Variants in NELL2 observed in about 807,000 individuals in gnomAD.
NELL2 encodes the protein protein kinase C-binding protein NELL2.
A neutral mutation model predicts 109.6 loss-of-function variants in NELL2; 41 were observed. The ratio of observed to expected loss-of-function variants is 0.37; its 90% CI spans 0.29 to 0.49. The LOEUF (loss-of-function observed/expected upper bound fraction) is 0.49. NELL2 is among the 20% of genes least tolerant of loss of function. The pLI is 0.98. For missense variants in NELL2, 900 were observed against 1,008.3 expected, an observed-to-expected ratio of 0.89 and a Z score of 1.45; for synonymous variants, 355 against 344.7, an observed-to-expected ratio of 1.03 and a Z score of -0.33.
chr12:44,873,646 T>C (rs1945227712), intron 2 of NELL2, among the ~76,000 whole-genome samples: 1 of 152,056 alleles, frequency 6.6e-6, no homozygotes, highest in Non-Finnish European at 1.5e-5. Flanking sequence ...CATAAAGCTT[T>C]CCAGTTACTC....
intron 15 of NELL2, among the ~76,000 whole-genome samples, chr12:44,585,819 T>G (rs928813208): frequency 1.3e-5 from 2 of 151,944 alleles, no homozygotes; most frequent in African/African-American, 4.8e-5. Flanking sequence ...GTCTGGCGGC[T>G]GGGGGCAAGA....
rs375260038 is a variant in NELL2 at position 44,550,298 on chromosome 12, A to G, written c.1664-17577T>C. Among the ~76,000 whole-genome samples the G allele has an allele frequency of 4.0e-4, 61 of 152,274 alleles. No individual in the cohort carries two copies. In the South Asian group the frequency reaches 0.011, roughly 28 times the overall value. Reference sequence around the variant, plus strand: ...AATTAAAAATACAATGACTACATATATATCCAAATAACTTGAAATCAGGAT... The same window carrying G: ...AATTAAAAATACAATGACTACATATGTATCCAAATAACTTGAAATCAGGAT... On this transcript the variant is annotated intron_variant, in intron 15 of 19. Coordinates refer to ENST00000429094, the MANE Select transcript of NELL2 (RefSeq NM_001145108.2).
upstream of NELL2, among the ~76,000 whole-genome samples, chr12:44,918,137 T>C (rs1256971381): frequency 6.6e-6 from 1 of 152,204 alleles, no homozygotes; most frequent in African/African-American, 2.4e-5. Context: ...ACAGCTAAAA[T>C]GTATCCAGGT....
At chr12:44,690,399 C>T (rs1017701894) in intron 12 of NELL2, among the ~76,000 whole-genome samples, 1 of 152,098 alleles carries the variant, frequency 6.6e-6, no homozygotes, top group Admixed American at 6.5e-5. Context: ...CAGAAATCAC[C>T]TGGAGATCTT....
chr12:44,603,146 A>G (rs117381425), intron 15 of NELL2, among the ~76,000 whole-genome samples: 3,779 of 152,242 alleles, frequency 0.025, 66 homozygotes, highest in Non-Finnish European at 0.037. Flanking sequence ...ACAACTCACA[A>G]AAATAATTAA....
intron 13 of NELL2, among the ~76,000 whole-genome samples, chr12:44,645,101 AAAG>A (rs1947044582): frequency 6.6e-6 from 1 of 152,160 alleles, no homozygotes. Flanking sequence ...CACGAAGAAA[AAAG>A]AAGACTGAAA....
intron 3 of NELL2, among the ~76,000 whole-genome samples, chr12:44,806,036 A>G (rs1160446922): frequency 2.0e-5 from 3 of 151,826 alleles, no homozygotes; most frequent in African/African-American, 7.2e-5. Flanking sequence ...TTTCTTCACT[A>G]TGTCATTAAC....
intron 16 of NELL2, among the ~76,000 whole-genome samples, chr12:44,523,858 A>C (rs1358324452): frequency 6.6e-6 from 1 of 152,236 alleles, no homozygotes; most frequent in Non-Finnish European, 1.5e-5. Context: ...TAATGGGGAT[A>C]TCATCCCCAG....
chr12:44,738,691 C>T (rs961356108), intron 9 of NELL2, among the ~76,000 whole-genome samples: 2 of 152,010 alleles, frequency 1.3e-5, no homozygotes, highest in African/African-American at 4.8e-5. Context: ...GGATGTTGGT[C>T]AAAGGATACA....
At chr12:44,524,672 A>AT (rs1299484995) in intron 16 of NELL2, among the ~76,000 whole-genome samples, 4 of 151,934 alleles carry the variant, frequency 2.6e-5, no homozygotes, top group African/African-American at 7.3e-5. Flanking sequence ...GCCACAGGAC[A>AT]TTTTTTTTCT....
At chr12:44,863,683 A>G (rs1944907249) in intron 2 of NELL2, among the ~76,000 whole-genome samples, 1 of 152,206 alleles carries the variant, frequency 6.6e-6, no homozygotes, top group Non-Finnish European at 1.5e-5. Flanking sequence ...CTCAAAGAAA[A>G]GGATGCTAAT....
At chr12:44,774,367 T>C (rs1272163939) in intron 9 of NELL2, among the ~76,000 whole-genome samples, 1 of 152,208 alleles carries the variant, frequency 6.6e-6, no homozygotes, top group Non-Finnish European at 1.5e-5. Context: ...GCATATCTTC[T>C]GCTGCTGAAG....
chr12:44,779,783 A>T, intron 4 of NELL2, 24 bp from the exon 5 acceptor site: 1 of 1,613,622 alleles, frequency 6.2e-7, no homozygotes, highest in Non-Finnish European at 8.5e-7. Flanking sequence ...ACATCAAAGA[A>T]GGAACGTGAG....
chr12:44,917,447 T>C (rs1945836908), upstream of NELL2, among the ~76,000 whole-genome samples: 1 of 152,140 alleles, frequency 6.6e-6, no homozygotes, highest in African/African-American at 2.4e-5. Flanking sequence ...AAGGAGTTAA[T>C]ATATTGCACA....
chr12:44,808,319 A>T (rs1468782057), intron 3 of NELL2, among the ~76,000 whole-genome samples: 1 of 151,984 alleles, frequency 6.6e-6, no homozygotes, highest in East Asian at 1.9e-4. Flanking sequence ...ATGATGAGAA[A>T]TTCCATTTGC....
intron 13 of NELL2, among the ~76,000 whole-genome samples, chr12:44,662,441 C>G (rs1206595264): frequency 6.6e-6 from 1 of 152,152 alleles, no homozygotes; most frequent in African/African-American, 2.4e-5. Flanking sequence ...TTCCAGCCCC[C>G]TTTGCTTCTC....
rs1214166448 is a variant in NELL2 at position 44,858,411 on chromosome 12, G to T, written c.184+16814C>A. Among the ~76,000 whole-genome samples the T allele has an allele frequency of 2.0e-5, 3 of 152,120 alleles. No homozygotes were observed. In the East Asian group the frequency reaches 5.8e-4, roughly 29 times the overall value. On this transcript the variant is annotated intron_variant, in intron 2 of 19. Coordinates refer to ENST00000429094, the MANE Select transcript of NELL2 (RefSeq NM_001145108.2). The stretch of plus-strand genomic sequence containing the variant: ...AGGGAGAGACACATGGTTGCCCTGG[G>T]TTACTCACCCTTTCCCAAGAATGAA...
intron 9 of NELL2, among the ~76,000 whole-genome samples, chr12:44,756,848 C>T (rs1940912557): frequency 6.6e-6 from 1 of 152,098 alleles, no homozygotes; most frequent in African/African-American, 2.4e-5. Context: ...TATATTCTCT[C>T]CTTAAGTGAC....
chr12:44,762,131 C>T (rs1941152716), intron 9 of NELL2, among the ~76,000 whole-genome samples: 1 of 152,142 alleles, frequency 6.6e-6, no homozygotes, highest in Admixed American at 6.5e-5. Context: ...TTTACCTCCA[C>T]TTTAGTCCTT....
Sources: allele counts gnomAD v4.1 joint callset (sites outside exome capture counted in the v4.1 genomes callset), GRCh38; gene constraint gnomAD v4.1.1; transcripts MANE v1.5; gene names NCBI Gene and HGNC (gene_info 2026-07-23, HGNC 2026-07-21).